The following STIM2 variants were observed in gnomAD, a reference collection of about 807,000 sequenced individuals.
STIM2 encodes stromal interaction molecule 2.
In STIM2, 31 loss-of-function variants were observed where a neutral mutation model predicts 85.8. That is an observed-to-expected ratio of 0.36 (90% CI 0.27 to 0.49). STIM2 has a LOEUF of 0.49. Among genes scored for constraint, STIM2 ranks in the 20% least tolerant of loss-of-function variants. The pLI is 0.98. For synonymous variants in STIM2, 356 were observed against 331.1 expected (o/e 1.08, Z -0.82); for missense variants, 841 against 927.6 (o/e 0.91, Z 1.21).
chr4:26,897,456 GGAATTT>G (rs1723749729), intron 1 of STIM2, among the ~76,000 whole-genome samples: 1 of 151,928 alleles, frequency 6.6e-6, no homozygotes, highest in Admixed American at 6.6e-5. Context: ...TTTTCTAATT[GGAATTT>G]GATTGGATTT....
intron 3 of STIM2, among the ~76,000 whole-genome samples, chr4:26,965,652 T>TA (rs1283060385): frequency 5.3e-5 from 8 of 152,156 alleles, no homozygotes; most frequent in Admixed American, 1.3e-4. Context: ...CTTTTTGTTT[T>TA]ATTATTCTCA....
chr4:26,917,412 T>A (rs1051149885), intron 1 of STIM2, among the ~76,000 whole-genome samples: 11 of 152,134 alleles, frequency 7.2e-5, no homozygotes, highest in African/African-American at 2.7e-4. Flanking sequence ...TAGGTGCTCA[T>A]TAGATAGTTG....
chr4:26,987,779 T>C (rs1441045850), intron 3 of STIM2, among the ~76,000 whole-genome samples: 1 of 152,256 alleles, frequency 6.6e-6, no homozygotes, highest in African/African-American at 2.4e-5. Flanking sequence ...AGTCCATTAA[T>C]GTAATTGCCT....
chr4:27,007,583 T>G lies in STIM2; in HGVS notation c.1032T>G (p.Ser344Arg). ...AAAAAGAATTTGAACTGAGAAGCAGTTGGTCTGTTCCAGATGCACTTCAGA... is the reference window on the plus strand; with the variant it reads ...AAAAAGAATTTGAACTGAGAAGCAGGTGGTCTGTTCCAGATGCACTTCAGA... The change falls in exon 8 of 12, where the codon AGT (serine) becomes AGG (arginine). Residue 344 changes from serine to arginine, a missense_variant. Ser to Arg is a moderately radical substitution (Grantham distance 110). Coordinates refer to ENST00000467087, the MANE Select transcript of STIM2 (RefSeq NM_020860.4). 6.3e-7 allele frequency: 1 copy of G among 1,593,786 alleles called. No individual in the cohort carries two copies. The highest frequency in any genetic ancestry group is 8.5e-7 in the Non-Finnish European group (1 of 1,170,656).
chr4:26,993,015 G>A (rs2109123532), intron 3 of STIM2, among the ~76,000 whole-genome samples: 1 of 152,118 alleles, frequency 6.6e-6, no homozygotes, highest in Admixed American at 6.6e-5. Flanking sequence ...GGAAATTGTG[G>A]GATGACTTTG....
intron 2 of STIM2, among the ~76,000 whole-genome samples, chr4:26,951,516 T>G (rs1300226061): frequency 6.6e-6 from 1 of 152,152 alleles, no homozygotes; most frequent in Non-Finnish European, 1.5e-5. Context: ...TTCAGTGCCT[T>G]GTGTTCATGC....
intron 3 of STIM2, among the ~76,000 whole-genome samples, chr4:26,971,108 A>C (rs1726932167): frequency 6.6e-6 from 1 of 151,754 alleles, no homozygotes; most frequent in African/African-American, 2.4e-5. Flanking sequence ...TTTTCTTGTA[A>C]ATTTGTTTGA....
At chr4:26,916,164 A>G (rs535936353) in intron 1 of STIM2, among the ~76,000 whole-genome samples, 10 of 152,366 alleles carry the variant, frequency 6.6e-5, no homozygotes, top group South Asian at 2.1e-4. Context: ...GTAAACAACT[A>G]AAAACGAAAA....
chr4:26,929,536 A>G (rs1362444289), intron 2 of STIM2, among the ~76,000 whole-genome samples: 1 of 152,090 alleles, frequency 6.6e-6, no homozygotes, highest in African/African-American at 2.4e-5. Flanking sequence ...AAAGTACTTA[A>G]TTTCTTGTGA....
At chr4:26,984,521 T>C (rs1462391965) in intron 3 of STIM2, among the ~76,000 whole-genome samples, 3 of 152,094 alleles carry the variant, frequency 2.0e-5, no homozygotes, top group Non-Finnish European at 4.4e-5. Context: ...CCACCACACC[T>C]GGCTAATTTT....
At chr4:26,934,913 C>CAAAAAAAAAAA (rs1160656482) in intron 2 of STIM2, among the ~76,000 whole-genome samples, 1 of 57,604 alleles carries the variant, frequency 1.7e-5, no homozygotes, top group Non-Finnish European at 3.5e-5. Flanking sequence ...AACTCCATCT[C>CAAAAAAAAAAA]AAAAAAAAAA....
intron 11 of STIM2, chr4:27,021,642 T>G (rs1728915776): frequency 2.2e-6 from 1 of 456,746 alleles, no homozygotes; most frequent in Non-Finnish European, 4.4e-6. Flanking sequence ...TGCTTGAGTT[T>G]TTAAAAATCA....
intron 1 of STIM2, among the ~76,000 whole-genome samples, chr4:26,866,586 T>G (rs1414985272): frequency 6.6e-6 from 1 of 151,980 alleles, no homozygotes; most frequent in Non-Finnish European, 1.5e-5. Context: ...TTCTTTAGAG[T>G]TAAGTATAAG....
intron 1 of STIM2, among the ~76,000 whole-genome samples, chr4:26,887,831 A>G (rs1174639002): frequency 1.3e-5 from 2 of 152,220 alleles, no homozygotes; most frequent in Non-Finnish European, 2.9e-5. Flanking sequence ...ACATGTATCT[A>G]CATATCTACA....
In STIM2 at chr4:26,992,127, C is replaced by A. The variant is rs1193737397; in HGVS notation, c.398-3252C>A. Among the ~76,000 whole-genome samples the A allele has an allele frequency of 7.2e-5, 11 of 152,116 alleles. No homozygotes were observed. In the South Asian group the frequency reaches 1.7e-3, roughly 23 times the overall value. ...ATGTAATGAAAAATCGCTTGTACCC[C>A]AAAAGCTATTGAAATTTAGAAAATG... is the stretch of plus-strand genomic sequence containing the variant. On this transcript the variant is annotated intron_variant, in intron 3 of 11. Coordinates refer to ENST00000467087, the MANE Select transcript of STIM2 (RefSeq NM_020860.4).
At chr4:26,901,332 T>G (rs1165083614) in intron 1 of STIM2, among the ~76,000 whole-genome samples, 1 of 152,192 alleles carries the variant, frequency 6.6e-6, no homozygotes, top group Non-Finnish European at 1.5e-5. Flanking sequence ...GAGGTTATGT[T>G]CTTTCTGTTT....
chr4:27,021,496 A>G (rs1210653569), intron 11 of STIM2: 1 of 456,594 alleles, frequency 2.2e-6, no homozygotes, highest in Non-Finnish European at 4.4e-6. Flanking sequence ...TGTTACAGGA[A>G]CACAAGGGAG....
chr4:26,919,405 T>G (rs1724713219), intron 1 of STIM2, 99 bp from the exon 2 acceptor site: 1 of 1,508,050 alleles, frequency 6.6e-7, no homozygotes, highest in South Asian at 1.2e-5. Flanking sequence ...TAACTTAGTC[T>G]GAAGTTTAAT....
At chr4:26,923,340 C>CAGTT (rs1260501278) in intron 2 of STIM2, among the ~76,000 whole-genome samples, 2 of 152,030 alleles carry the variant, frequency 1.3e-5, no homozygotes, top group African/African-American at 4.8e-5. Flanking sequence ...CAAAGGAACG[C>CAGTT]AGTTCCTCAC....
Sources: gnomAD v4.1 joint callset for allele counts (sites outside exome capture counted in the v4.1 genomes callset) on GRCh38, gnomAD v4.1.1 for gene constraint, MANE v1.5 for transcripts, NCBI Gene and HGNC (gene_info 2026-07-23, HGNC 2026-07-21) for gene names.